SORL1-AS1: variants seen among roughly 807,000 people sequenced by gnomAD.
SORL1-AS1 encodes the protein SORL1 antisense RNA 1.
chr11:121,444,138 G>A (rs1162580928), downstream of SORL1-AS1, among the ~76,000 whole-genome samples: 1 of 151,360 alleles, frequency 6.6e-6, no homozygotes, highest in East Asian at 1.9e-4. Flanking sequence ...AAGAGAGAGA[G>A]AAACCTGGTT....
the SORL1-AS1 span, among the ~76,000 whole-genome samples, chr11:121,439,460 C>T: frequency 2.0e-5 from 3 of 151,904 alleles, no homozygotes; most frequent in Non-Finnish European, 4.4e-5. Context: ...GTCCTTTGTA[C>T]ATTCTGTTTA....
chr11:121,452,673 A>C lies in SORL1-AS1; in HGVS notation n.339+2T>G. On this transcript the variant is annotated splice_donor_variant and non_coding_transcript_variant, in intron 1 of 1. Coordinates refer to ENST00000501964, the Ensembl canonical transcript of SORL1-AS1. This position sits in a 1 kb window ranked among gnomAD's most constrained non-coding sequence, Gnocchi z 5.3. ...TTTTTTCCTCTCCCTGCACTTCCTC[A>C]CCCCCGCATCCATCCGTTGCAGTCG... 1.4e-5 allele frequency: 19 copies of C among 1,351,576 alleles called. No homozygotes were observed. The highest frequency in any genetic ancestry group is 1.7e-5 in the Non-Finnish European group (18 of 1,046,370). 83.7% of individuals were successfully genotyped at this position (1,351,576 alleles called of 1,614,324 possible).
Position 121,452,089 on chromosome 11 carries a change from G to A in SORL1-AS1, n.339+586C>T, listed in dbSNP as rs1356772452. On this transcript the variant is annotated intron_variant and non_coding_transcript_variant, in intron 1 of 1. Transcript: ENST00000501964. The surrounding 1 kb of genome is among the most constrained non-coding windows in gnomAD (Gnocchi z 5.3). ...AGGGAGGGGCCGGAGTCGCCGCCGAGGCCGCCGAGCGCAGAAAGTGCGCGA... is the reference window on the plus strand; with the variant it reads ...AGGGAGGGGCCGGAGTCGCCGCCGAAGCCGCCGAGCGCAGAAAGTGCGCGA... 1.3e-5 allele frequency: 2 copies of A among 153,158 alleles called. No homozygotes were observed. The highest frequency in any genetic ancestry group is 2.9e-5 in the Non-Finnish European group (2 of 69,034). The allele number at this position is 153,158 out of a possible 1,614,324, so 9.5% of individuals were successfully genotyped here.
chr11:121,447,311 C>CTTTTTTT (rs36048258), downstream of SORL1-AS1: 1 of 125,742 alleles, frequency 8.0e-6, no homozygotes, highest in Non-Finnish European at 1.7e-5. Context: ...AACTTGAGGG[C>CTTTTTTT]TTTTTTTTTT....
At chr11:121,447,311 C>CT (rs36048258), downstream of SORL1-AS1, 1,415 of 125,744 alleles carry the variant, frequency 0.011, 21 homozygotes, top group African/African-American at 0.026. Context: ...AACTTGAGGG[C>CT]TTTTTTTTTT....
At chr11:121,446,192 G>C (rs1458397971), downstream of SORL1-AS1, among the ~76,000 whole-genome samples, 2 of 152,214 alleles carry the variant, frequency 1.3e-5, no homozygotes, top group Non-Finnish European at 2.9e-5. Flanking sequence ...GTACAAGACA[G>C]GGGAATAGAC....
At chr11:121,439,745 A>G in the SORL1-AS1 span, among the ~76,000 whole-genome samples, 2 of 152,338 alleles carry the variant, frequency 1.3e-5, no homozygotes, top group South Asian at 4.1e-4. Flanking sequence ...AAATGTTTAA[A>G]GATAATGGCT....
downstream of SORL1-AS1, among the ~76,000 whole-genome samples, chr11:121,443,182 C>T (rs1222977484): frequency 2.6e-5 from 4 of 152,284 alleles, no homozygotes; most frequent in East Asian, 7.7e-4. Flanking sequence ...AAAATTCATT[C>T]TCAACATTCG....
downstream of SORL1-AS1, among the ~76,000 whole-genome samples, chr11:121,443,789 G>A (rs545634368): frequency 8.5e-5 from 13 of 152,176 alleles, no homozygotes; most frequent in Non-Finnish European, 1.6e-4. Context: ...TGAAATTAGC[G>A]CTGCTCAAGA....
At chr11:121,444,073 T>C (rs1245623867), downstream of SORL1-AS1, among the ~76,000 whole-genome samples, 1 of 147,936 alleles carries the variant, frequency 6.8e-6, no homozygotes, top group Non-Finnish European at 1.5e-5. Context: ...TGCTAAGAAA[T>C]GTGTGTGTGT....
chr11:121,452,596 C>T lies in SORL1-AS1; in HGVS notation n.339+79G>A. On this transcript the variant is annotated intron_variant and non_coding_transcript_variant, in intron 1 of 1. Coordinates refer to ENST00000501964, the Ensembl canonical transcript of SORL1-AS1. This position sits in a 1 kb window ranked among gnomAD's most constrained non-coding sequence, Gnocchi z 5.3. ...ACGGAGCGCTGCCCTGCAGCCCGAG[C>T]CCATCAAGGTGTACGGACAGGTGAG... is the stretch of plus-strand genomic sequence containing the variant. 2 of 1,518,994 alleles carry T rather than the reference C, an allele frequency of 1.3e-6. No homozygotes were observed. The highest frequency in any genetic ancestry group is 2.6e-5 in the East Asian group (1 of 37,900). The allele number at this position is 1,518,994 out of a possible 1,614,324, so 94.1% of individuals were successfully genotyped here. A position where few individuals can be genotyped will look rare whatever the true frequency, so the allele number is the denominator to read the frequency against.
the SORL1-AS1 span, among the ~76,000 whole-genome samples, chr11:121,439,436 A>G: frequency 6.6e-6 from 1 of 151,524 alleles, no homozygotes; most frequent in Non-Finnish European, 1.5e-5. Context: ...TCCTTTTATT[A>G]CTGATTTGTA....
downstream of SORL1-AS1, among the ~76,000 whole-genome samples, chr11:121,444,089 C>T (rs980947720): frequency 2.7e-5 from 4 of 145,864 alleles, no homozygotes; most frequent in East Asian, 2.0e-4. Context: ...TGTGTGTGTG[C>T]GCGTGGGTGT....
the SORL1-AS1 span, among the ~76,000 whole-genome samples, chr11:121,441,591 G>A: frequency 1.3e-5 from 2 of 151,158 alleles, no homozygotes; most frequent in African/African-American, 4.9e-5. Flanking sequence ...GCAGGTAGGT[G>A]TGACTATGAG....
chr11:121,443,507 AG>A (rs1860688589), downstream of SORL1-AS1, among the ~76,000 whole-genome samples: 1 of 152,270 alleles, frequency 6.6e-6, no homozygotes, highest in Non-Finnish European at 1.5e-5. Context: ...CCTTATTCAT[AG>A]TTGCTATATT....
chr11:121,452,443 G>T lies in SORL1-AS1; in HGVS notation n.339+232C>A. ...AGTCTGGACGCAGAGGCTGCACGGC[G>T]GCAGCGCGCCCTTGCCCCAGGACCG... On this transcript the variant is annotated intron_variant and non_coding_transcript_variant, in intron 1 of 1. Coordinates refer to ENST00000501964, the Ensembl canonical transcript of SORL1-AS1. The surrounding 1 kb of genome is among the most constrained non-coding windows in gnomAD (Gnocchi z 5.3). 1 of 1,498,988 alleles carries T rather than the reference G, an allele frequency of 6.7e-7. No individual in the cohort carries two copies. Among genetic ancestry groups the T allele is most frequent in the Non-Finnish European group, 8.9e-7 (1 of 1,127,970 alleles). 92.9% of individuals were successfully genotyped at this position (1,498,988 alleles called of 1,614,324 possible). A position where few individuals can be genotyped will look rare whatever the true frequency, so the allele number is the denominator to read the frequency against.
At chr11:121,447,311 CTTT>C (rs36048258), downstream of SORL1-AS1, 84 of 125,728 alleles carry the variant, frequency 6.7e-4, no homozygotes, top group Middle Eastern at 3.8e-3. Context: ...AACTTGAGGG[CTTT>C]TTTTTTTTTT....
chr11:121,447,768 G>T (rs1012549738), exon 2 of SORL1-AS1: 1 of 152,082 alleles, frequency 6.6e-6, no homozygotes, highest in African/African-American at 2.4e-5. Flanking sequence ...CCCAATCAGG[G>T]CGTGAGGGTC....
At chr11:121,449,953 T>C (rs1038522974) in intron 1 of SORL1-AS1, 2 of 152,140 alleles carry the variant, frequency 1.3e-5, no homozygotes, top group Admixed American at 6.6e-5. Context: ...TTGCAAGGAG[T>C]TAATTAACCA....
Sources: gnomAD v4.1 joint callset for allele counts (sites outside exome capture counted in the v4.1 genomes callset) on GRCh38, gnomAD v4.1.1 for gene constraint, Gnocchi (gnomAD v3.1) non-coding constraint, MANE v1.5 for transcripts, NCBI Gene and HGNC (gene_info 2026-07-23, HGNC 2026-07-21) for gene names.